The following ZNF548 variants were observed in gnomAD, a reference collection of about 807,000 sequenced individuals.
ZNF548 encodes zinc finger protein 548.
In ZNF548, 10 loss-of-function variants were observed where a neutral mutation model predicts 10.2. That is an observed-to-expected ratio of 0.98 (90% CI 0.60 to 1.66). ZNF548 has a LOEUF of 1.66. ZNF548 is among the 40% of genes most tolerant of loss of function. The pLI is 0.00. For synonymous variants in ZNF548, 217 were observed against 223.5 expected (o/e 0.97, Z 0.26); for missense variants, 599 against 657.0 (o/e 0.91, Z 0.97).
chr19:57,393,689 G>GGGGA (rs1332064925), intron 1 of ZNF548, among the ~76,000 whole-genome samples: 4 of 105,692 alleles, frequency 3.8e-5, no homozygotes, highest in African/African-American at 1.4e-4. Context: ...GGGGAGGGGA[G>GGGGA]GGGAGGGCAG....
At chr19:57,396,857 A>T (rs369688046) in intron 2 of ZNF548, 191 bp from the exon 3 acceptor site, 1 of 782,514 alleles carries the variant, frequency 1.3e-6, no homozygotes, top group Non-Finnish European at 2.0e-6. Flanking sequence ...CCCTGGGTTG[A>T]TTTAGAGTAC....
At chr19:57,396,352 T>A (rs561892645) in intron 2 of ZNF548, among the ~76,000 whole-genome samples, 36 of 152,286 alleles carry the variant, frequency 2.4e-4, no homozygotes, top group African/African-American at 8.7e-4. Context: ...TTCTACCTTA[T>A]CTTCCATCTG....
rs1386560491 is a variant in ZNF548, at chr19:57,401,509, G to T, written c.*1620G>T. The T allele has an allele frequency of 6.6e-6, 1 of 152,066 alleles. No individual in the cohort carries two copies. Among genetic ancestry groups the T allele is most frequent in the East Asian group, 1.9e-4 (1 of 5,202 alleles). The allele number at this position is 152,066 out of a possible 1,614,324, so 9.4% of individuals were successfully genotyped here. A position where few individuals can be genotyped will look rare whatever the true frequency, so the allele number is the denominator to read the frequency against. Reference sequence around the variant, plus strand: ...ATATTCAAACACTATGCCTTTTTATGTGAGGGACCTCTTGAGCATCAGATG... The same window carrying T: ...ATATTCAAACACTATGCCTTTTTATTTGAGGGACCTCTTGAGCATCAGATG... On this transcript the variant is annotated 3_prime_UTR_variant, in exon 4 of 4. Transcript: ENST00000336128.
At position 57,399,844 on chromosome 19, in the gene ZNF548, C is replaced by G. The variant is rs752712746; in HGVS notation, c.1593C>G (p.Thr531=). 1 of 1,612,190 alleles carries G rather than the reference C, an allele frequency of 6.2e-7. No individual in the cohort carries two copies. Among genetic ancestry groups the G allele is most frequent in the East Asian group, 2.2e-5 (1 of 44,856 alleles). ...GGAATTCTTTAGCTAAAACTCCAAC[C>G]TCATTAAACATCAGAGATTTCACAA... ...NVGNSLAKTP[T]SLNIRDFTME... is the part of the protein sequence containing the mutation. The change falls in exon 4 of 4, where the codon ACC becomes ACG. Residue 531 remains threonine, a synonymous_variant. Coordinates refer to ENST00000336128, the MANE Select transcript of ZNF548 (RefSeq NM_001172773.2). The surrounding 1 kb of genome is among the most constrained non-coding windows in gnomAD (Gnocchi z 4.0).
In ZNF548 at chr19:57,399,526, A is replaced by G. The variant is rs2088696825; in HGVS notation, c.1275A>G (p.Arg425=). Reference sequence around the variant, plus strand: ...ACTGCAGGCTCATTAGACACCAGAGAGTCCACACGGGAGAAAGGCCTTATG... The same window carrying G: ...ACTGCAGGCTCATTAGACACCAGAGGGTCCACACGGGAGAAAGGCCTTATG... The part of the protein sequence containing the change: ...RYHCRLIRHQ[R]VHTGERPYEC... Residue 425 remains arginine (R), a synonymous_variant, in exon 4 of 4, where the codon AGA becomes AGG. Transcript: ENST00000336128. The surrounding 1 kb of genome is among the most constrained non-coding windows in gnomAD (Gnocchi z 4.0). 6.2e-7 allele frequency: 1 copy of G among 1,614,204 alleles called. No homozygotes were observed. Among genetic ancestry groups the G allele is most frequent in the Non-Finnish European group, 8.5e-7 (1 of 1,180,016 alleles).
In ZNF548 at chr19:57,399,171, C is replaced by T. The variant is rs764744503; in HGVS notation, c.920C>T (p.Thr307Ile). ...GGGAAATTCTTTCGGTACAGCTCCA[C>T]ATTTGTTAGACATCAGAGAGTTCAC... is the stretch of plus-strand genomic sequence containing the variant. ...TCGKFFRYSS[T>I]FVRHQRVHTG... The change falls in exon 4 of 4, where the codon ACA becomes ATA. Residue 307 changes from threonine (T) to isoleucine (I), a missense_variant. Coordinates refer to ENST00000336128, the MANE Select transcript of ZNF548 (RefSeq NM_001172773.2). This position sits in a 1 kb window ranked among gnomAD's most constrained non-coding sequence, Gnocchi z 4.0. 1 of 1,612,342 alleles carries T rather than the reference C, an allele frequency of 6.2e-7. No individual in the cohort carries two copies. The highest frequency in any genetic ancestry group is 8.5e-7 in the Non-Finnish European group (1 of 1,179,546).
Position 57,399,200 on chromosome 19 carries a change from G to A in ZNF548, c.949G>A (p.Gly317Arg), listed in dbSNP as rs201075931. ...TGTTAGACATCAGAGAGTTCACACC[G>A]GAGAAAGGCCGTATGAGTGCAGGGA... ...TFVRHQRVHT[G>R]ERPYECRECG... is the part of the protein sequence containing the mutation. Residue 317 changes from glycine (G) to arginine (R), a missense_variant, in exon 4 of 4, where the codon GGA becomes AGA. Transcript: ENST00000336128. This position sits in a 1 kb window ranked among gnomAD's most constrained non-coding sequence, Gnocchi z 4.0. 1.2e-4 allele frequency: 186 copies of A among 1,614,064 alleles called. 1 individual carries two copies. The South Asian group carries it at 1.6e-3, about 14-fold the overall frequency.
At position 57,398,566 on chromosome 19, in the gene ZNF548, G is replaced by A. The variant is rs2123045169; in HGVS notation, c.315G>A (p.Leu105=). ...VHPSETCGPP[L]KDILCLVEHN... ...CTAGTGAGACATGTGGCCCACCCTT[G>A]AAAGACATTCTGTGCCTGGTTGAGC... Residue 105 remains leucine, a synonymous_variant, in exon 4 of 4, where the codon TTG becomes TTA. Coordinates refer to ENST00000336128, the MANE Select transcript of ZNF548 (RefSeq NM_001172773.2). 6.2e-7 allele frequency: 1 copy of A among 1,614,042 alleles called. No homozygotes were observed. The highest frequency in any genetic ancestry group is 1.1e-5 in the South Asian group (1 of 91,074).
intron 1 of ZNF548, chr19:57,392,732 A>G (rs1330769132): frequency 1.0e-6 from 1 of 980,456 alleles, no homozygotes. Context: ...TTTGGTTACT[A>G]ACAACTTGTA....
At chr19:57,394,280 G>A in intron 2 of ZNF548, 57 bp downstream of exon 2, 2 of 1,547,946 alleles carry the variant, frequency 1.3e-6, no homozygotes, top group East Asian at 4.5e-5. Context: ...GATGGTTTTG[G>A]CAGGTGACAA....
intron 1 of ZNF548, among the ~76,000 whole-genome samples, chr19:57,391,751 G>A (rs939735963): frequency 7.1e-6 from 1 of 140,480 alleles, no homozygotes; most frequent in African/African-American, 2.6e-5. Context: ...TGCGATTTAT[G>A]TGTCTTCTTT....
intron 1 of ZNF548, 53 bp downstream of exon 1, chr19:57,390,167 GC>G: frequency 6.3e-7 from 1 of 1,592,392 alleles, no homozygotes. Flanking sequence ...CAGTGCTGAA[GC>G]CCCCTGAAGG....
chr19:57,390,122 T>A lies in ZNF548; in HGVS notation c.15+8T>A. ...CTGATGAACCTGACTGAGGTGGGTGTCCCGTCCCAGGCTCCCCCGCCCGAC... is the reference window on the plus strand; with the variant it reads ...CTGATGAACCTGACTGAGGTGGGTGACCCGTCCCAGGCTCCCCCGCCCGAC... On this transcript the variant is annotated splice_region_variant and intron_variant, in intron 1 of 3. Coordinates refer to ENST00000336128, the MANE Select transcript of ZNF548 (RefSeq NM_001172773.2). The A allele has an allele frequency of 6.2e-7, 1 of 1,607,582 alleles. No individual in the cohort carries two copies. The highest frequency in any genetic ancestry group is 8.5e-7 in the Non-Finnish European group (1 of 1,179,214).
chr19:57,400,039 A>G lies in ZNF548; in HGVS notation c.*150A>G, dbSNP rs2088702684. The G allele has an allele frequency of 4.8e-6, 3 of 631,256 alleles. No homozygotes were observed. Among genetic ancestry groups the G allele is most frequent in the Non-Finnish European group, 8.1e-6 (3 of 368,658 alleles). 39.1% of individuals were successfully genotyped at this position (631,256 alleles called of 1,614,324 possible). A position where few individuals can be genotyped will look rare whatever the true frequency, so the allele number is the denominator to read the frequency against. On this transcript the variant is annotated 3_prime_UTR_variant, in exon 4 of 4. Coordinates refer to ENST00000336128, the MANE Select transcript of ZNF548 (RefSeq NM_001172773.2). ...CTACTTCCCCAGAAATGTCTCAACTATATTTCTATACTCTATGGTACTTAT... is the reference window on the plus strand; with the variant it reads ...CTACTTCCCCAGAAATGTCTCAACTGTATTTCTATACTCTATGGTACTTAT...
chr19:57,400,136 A>G lies in ZNF548; in HGVS notation c.*247A>G. 1 of 406,370 alleles carries G rather than the reference A, an allele frequency of 2.5e-6. No individual in the cohort carries two copies. The highest frequency in any genetic ancestry group is 6.0e-5 in the South Asian group (1 of 16,656). 25.2% of individuals were successfully genotyped at this position (406,370 alleles called of 1,614,324 possible). ...CATATAAGTGGATTCTACAGTATTT[A>G]TCTTTTGAGACTGGCTTATTTCACT... On this transcript the variant is annotated 3_prime_UTR_variant, in exon 4 of 4. Transcript: ENST00000336128.
chr19:57,390,402 C>T (rs1417112851), intron 1 of ZNF548: 2 of 373,686 alleles, frequency 5.4e-6, no homozygotes, highest in Non-Finnish European at 9.7e-6. Flanking sequence ...CCTGAGCAGC[C>T]AGTAACCATG....
Position 57,390,037 on chromosome 19 carries a change from C to A in ZNF548, c.-63C>A. 1 of 1,592,478 alleles carries A rather than the reference C, an allele frequency of 6.3e-7. No individual in the cohort carries two copies. The highest frequency in any genetic ancestry group is 1.7e-5 in the Admixed American group (1 of 59,142). ...GACAAGCGCTGGGGACAGTGGCGTCCTTGTCTTGCCTTTGTCGCTCCCGCC... is the reference window on the plus strand; with the variant it reads ...GACAAGCGCTGGGGACAGTGGCGTCATTGTCTTGCCTTTGTCGCTCCCGCC... On this transcript the variant is annotated 5_prime_UTR_variant, in exon 1 of 4. Transcript: ENST00000336128.
In ZNF548 at chr19:57,395,482, A is replaced by G. The variant is rs1207869555; in HGVS notation, c.51+1259A>G. Among the ~76,000 whole-genome samples, 8 of 152,190 alleles carry G rather than the reference A, an allele frequency of 5.3e-5. No homozygotes were observed. The highest frequency in any genetic ancestry group is 1.0e-4 in the Non-Finnish European group (7 of 68,034). On this transcript the variant is annotated intron_variant, in intron 2 of 3. Coordinates refer to ENST00000336128, the MANE Select transcript of ZNF548 (RefSeq NM_001172773.2). The surrounding 1 kb of genome is among the most constrained non-coding windows in gnomAD (Gnocchi z 4.8). ...CAGTTCTTCAGGCTTAACAGGAAGC[A>G]TAACTGGGAGGCCTCAGGAAACACA...
At chr19:57,392,684 A>G (rs1305057224) in intron 1 of ZNF548, 1 of 677,764 alleles carries the variant, frequency 1.5e-6, no homozygotes, top group East Asian at 1.4e-4. Flanking sequence ...ACTGAGCTGT[A>G]CACCTTATGT....
Sources: allele counts gnomAD v4.1 joint callset (sites outside exome capture counted in the v4.1 genomes callset), GRCh38; gene constraint gnomAD v4.1.1; non-coding constraint Gnocchi (gnomAD v3.1); transcripts MANE v1.5; gene names NCBI Gene and HGNC (gene_info 2026-07-23, HGNC 2026-07-21).